The following MTUS2 variants were observed in gnomAD, a reference collection of about 807,000 sequenced individuals.
MTUS2 encodes the protein microtubule-associated tumor suppressor candidate 2.
A neutral mutation model predicts 114.1 loss-of-function variants in MTUS2; 40 were observed. The ratio of observed to expected loss-of-function variants is 0.35; its 90% CI spans 0.27 to 0.46. MTUS2 has a LOEUF of 0.46. Ranked by LOEUF, MTUS2 falls within the 20% of genes least tolerant of loss-of-function variation. The pLI is 1.00. For synonymous variants in MTUS2, 688 were observed against 672.0 expected (o/e 1.02, Z -0.37); for missense variants, 1,679 against 1,705.4 (o/e 0.98, Z 0.27).
At chr13:28,857,011 C>T (rs529195511) in intron 2 of MTUS2, among the ~76,000 whole-genome samples, 1 of 152,340 alleles carries the variant, frequency 6.6e-6, no homozygotes, top group Admixed American at 6.5e-5. Context: ...CGCACATTCA[C>T]CCCAGACACT....
chr13:29,289,895 A>G (rs934745194), intron 6 of MTUS2, among the ~76,000 whole-genome samples: 38 of 151,926 alleles, frequency 2.5e-4, no homozygotes, highest in African/African-American at 9.0e-4. Flanking sequence ...CCTACCATGT[A>G]CTCTCCAGAA....
intron 9 of MTUS2, among the ~76,000 whole-genome samples, chr13:29,471,944 G>A (rs1240179067): frequency 2.6e-5 from 4 of 152,128 alleles, no homozygotes; most frequent in Non-Finnish European, 5.9e-5. Context: ...TGGTCACCAG[G>A]CCCGAGAGAT....
At chr13:28,950,108 A>T (rs556212313) in intron 2 of MTUS2, among the ~76,000 whole-genome samples, 1 of 152,286 alleles carries the variant, frequency 6.6e-6, no homozygotes, top group South Asian at 2.1e-4. Flanking sequence ...ATCCTTGCCC[A>T]CACTTGTTAT....
chr13:29,234,783 T>C (rs1461300464), intron 5 of MTUS2, among the ~76,000 whole-genome samples: 1 of 152,100 alleles, frequency 6.6e-6, no homozygotes, highest in Non-Finnish European at 1.5e-5. Flanking sequence ...CCTCCTATTC[T>C]CACAGATTTA....
intron 9 of MTUS2, among the ~76,000 whole-genome samples, chr13:29,452,670 C>G (rs932563925): frequency 2.6e-5 from 4 of 151,638 alleles, no homozygotes; most frequent in Non-Finnish European, 4.4e-5. Flanking sequence ...TCTCGAACTC[C>G]TGGACTCAAA....
At chr13:28,917,343 G>A (rs1235652768) in intron 2 of MTUS2, among the ~76,000 whole-genome samples, 3 of 151,896 alleles carry the variant, frequency 2.0e-5, no homozygotes, top group South Asian at 4.1e-4. Flanking sequence ...ATTGGCATTA[G>A]TTCTTCTTTA....
chr13:28,991,276 G>C (rs1884838893), intron 2 of MTUS2, among the ~76,000 whole-genome samples: 1 of 152,132 alleles, frequency 6.6e-6, no homozygotes. Flanking sequence ...AATGTGTGTA[G>C]GTTAGACTTG....
chr13:28,966,055 T>C (rs1327287860), intron 2 of MTUS2, among the ~76,000 whole-genome samples: 1 of 152,194 alleles, frequency 6.6e-6, no homozygotes, highest in Non-Finnish European at 1.5e-5. Flanking sequence ...TTCTGGAATA[T>C]CTGGTAAAAA....
intron 5 of MTUS2, among the ~76,000 whole-genome samples, chr13:29,205,283 G>T (rs1895135192): frequency 6.6e-6 from 1 of 152,152 alleles, no homozygotes; most frequent in Non-Finnish European, 1.5e-5. Flanking sequence ...GAGTTGTCAG[G>T]TTTTGTTTTA....
intron 8 of MTUS2, among the ~76,000 whole-genome samples, chr13:29,382,751 C>T (rs1343012537): frequency 6.6e-6 from 1 of 152,208 alleles, no homozygotes; most frequent in Non-Finnish European, 1.5e-5. Flanking sequence ...ATGTAAGACA[C>T]AGCACTTTCC....
At chr13:28,838,179 T>G (rs184426444) in intron 1 of MTUS2, among the ~76,000 whole-genome samples, 128 of 152,320 alleles carry the variant, frequency 8.4e-4, no homozygotes, top group Non-Finnish European at 1.5e-3. Flanking sequence ...CAAAACAATT[T>G]ATAGTAGGCT....
chr13:28,931,158 C>T (rs551012815), intron 2 of MTUS2, among the ~76,000 whole-genome samples: 179 of 152,318 alleles, frequency 1.2e-3, no homozygotes, highest in Middle Eastern at 3.4e-3. Flanking sequence ...GGCATGGCCC[C>T]GTGACTTGCT....
chr13:29,056,951 G>A (rs1423443666), intron 4 of MTUS2, among the ~76,000 whole-genome samples: 3 of 151,774 alleles, frequency 2.0e-5, no homozygotes, highest in Admixed American at 6.6e-5. Context: ...CTTTAGCACT[G>A]TACATTTCCC....
At chr13:29,192,831 C>A (rs145131585) in intron 5 of MTUS2, among the ~76,000 whole-genome samples, 1 of 152,096 alleles carries the variant, frequency 6.6e-6, no homozygotes, top group Non-Finnish European at 1.5e-5. Context: ...TCCAAGGCCA[C>A]GATCAGGTTG....
At chr13:29,392,175 T>C (rs1208526932) in intron 8 of MTUS2, among the ~76,000 whole-genome samples, 4 of 151,410 alleles carry the variant, frequency 2.6e-5, no homozygotes, top group Non-Finnish European at 5.9e-5. Context: ...AAAACACTTG[T>C]TATCTTTCCA....
intron 6 of MTUS2, chr13:29,306,970 A>G: frequency 1.8e-6 from 1 of 547,860 alleles, no homozygotes; most frequent in Non-Finnish European, 3.6e-6. Flanking sequence ...GGCTGAGAAC[A>G]GGAAGCTTGT....
At chr13:29,011,455 C>A (rs1428298925) in intron 2 of MTUS2, among the ~76,000 whole-genome samples, 2 of 152,124 alleles carry the variant, frequency 1.3e-5, no homozygotes, top group African/African-American at 4.8e-5. Context: ...ATATAAATAT[C>A]TTTTACTATT....
At chr13:29,439,636 G>A (rs1213586176) in intron 8 of MTUS2, among the ~76,000 whole-genome samples, 1 of 152,120 alleles carries the variant, frequency 6.6e-6, no homozygotes, top group African/African-American at 2.4e-5. Context: ...TCTCATAGTA[G>A]TGATAATAAT....
chr13:28,872,331 G>A (rs530054040), intron 2 of MTUS2, among the ~76,000 whole-genome samples: 24 of 152,240 alleles, frequency 1.6e-4, no homozygotes, highest in Non-Finnish European at 2.9e-4. Flanking sequence ...GAGTAGATAC[G>A]ATGGCTTTTA....
Sources: gnomAD v4.1 joint callset for allele counts (sites outside exome capture counted in the v4.1 genomes callset) on GRCh38, gnomAD v4.1.1 for gene constraint, MANE v1.5 for transcripts, NCBI Gene and HGNC (gene_info 2026-07-23, HGNC 2026-07-21) for gene names.